BTBD1: variants seen among roughly 807,000 people sequenced by gnomAD.
BTBD1 encodes the protein BTB/POZ domain-containing protein 1.
In BTBD1, 34 loss-of-function variants were observed where a neutral mutation model predicts 48.0. That is an observed-to-expected ratio of 0.71 (90% CI 0.54 to 0.94). The LOEUF (loss-of-function observed/expected upper bound fraction) is 0.94. Among genes scored for constraint, BTBD1 ranks in the 40% least tolerant of loss-of-function variants. The probability of loss-of-function intolerance (pLI) is 0.00; values close to 1 mark genes in which losing one functional copy is unlikely to be tolerated. For synonymous variants in BTBD1, 261 were observed against 242.1 expected, an observed-to-expected ratio of 1.08 and a Z score of -0.72; for missense variants, 543 against 625.6, an observed-to-expected ratio of 0.87 and a Z score of 1.41.
chr15:83,045,366 G>A (rs1435208445), intron 3 of BTBD1, among the ~76,000 whole-genome samples: 2 of 152,066 alleles, frequency 1.3e-5, no homozygotes, highest in Admixed American at 6.6e-5. Flanking sequence ...GTGGTGGCAG[G>A]TGCCTGTGTA....
At chr15:83,066,376 C>G (rs946056311) in intron 1 of BTBD1, among the ~76,000 whole-genome samples, 12 of 152,152 alleles carry the variant, frequency 7.9e-5, no homozygotes, top group Non-Finnish European at 1.5e-5. Context: ...CTCTCTTCCC[C>G]CAAACAAAAA....
intron 2 of BTBD1, 27 bp from the exon 3 acceptor site, chr15:83,050,205 A>G (rs760661447): frequency 1.4e-6 from 2 of 1,460,976 alleles, no homozygotes; most frequent in African/African-American, 1.4e-5. Context: ...ATAGTTATTT[A>G]ACTTTCATAG....
rs2032272787 is a variant in BTBD1 at position 83,020,472 on chromosome 15, G to A, written c.1143+203C>T. On this transcript the variant is annotated intron_variant, in intron 6 of 7. Transcript: ENST00000261721. Reference sequence around the variant, plus strand: ...AAAGAAGAGCTCCTTATATGCTACTGCTTTTGTGAAGGACCCCAATTTTCT... The same window carrying A: ...AAAGAAGAGCTCCTTATATGCTACTACTTTTGTGAAGGACCCCAATTTTCT... 1.5e-5 allele frequency: 7 copies of A among 472,878 alleles called. No individual in the cohort carries two copies. The South Asian group carries it at 2.7e-4, about 18-fold the overall frequency. The allele number at this position is 472,878 out of a possible 1,614,324, so 29.3% of individuals were successfully genotyped here.
intron 4 of BTBD1, among the ~76,000 whole-genome samples, chr15:83,030,969 C>A (rs911842669): frequency 6.6e-6 from 1 of 152,082 alleles, no homozygotes; most frequent in Non-Finnish European, 1.5e-5. Context: ...AGAGACAATT[C>A]TCAAAGGAAG....
chr15:83,030,590 C>A (rs1222688082), intron 4 of BTBD1: 7 of 348,758 alleles, frequency 2.0e-5, no homozygotes, highest in Non-Finnish European at 3.1e-5. Flanking sequence ...TGCCAGGAAT[C>A]CTCCTTTCTC....
chr15:83,053,162 T>C (rs2033024531), intron 2 of BTBD1, among the ~76,000 whole-genome samples: 1 of 152,200 alleles, frequency 6.6e-6, no homozygotes, highest in South Asian at 2.1e-4. Context: ...TGGCATTCTC[T>C]TTGATAACAC....
In BTBD1 at chr15:83,051,030, C is replaced by CAA. The variant is rs11423630; in HGVS notation, c.559-854_559-853dup. Among the ~76,000 whole-genome samples the CAA allele has an allele frequency of 7.5e-3, 927 of 124,064 alleles. 13 individuals are homozygous for CAA. Among genetic ancestry groups the CAA allele is most frequent in the African/African-American group, 0.022 (773 of 34,686 alleles). The allele number at this position is 124,064 out of a possible 152,430, so 81.4% of individuals were successfully genotyped here. Reference sequence around the variant, plus strand: ...ATACATATGTTATAACCCTCCCCCACAAAAAAAAAAAAAACAGTTTATAAG... The same window carrying CAA: ...ATACATATGTTATAACCCTCCCCCACAAAAAAAAAAAAAAAACAGTTTATAAG... On this transcript the variant is annotated intron_variant, in intron 2 of 7. Coordinates refer to ENST00000261721, the MANE Select transcript of BTBD1 (RefSeq NM_025238.4).
In BTBD1 at chr15:83,020,710, T is replaced by A. The variant is rs766285602; in HGVS notation, c.1108A>T (p.Ile370Phe). 8.1e-6 allele frequency: 13 copies of A among 1,607,460 alleles called. No homozygotes were observed. Among genetic ancestry groups the A allele is most frequent in the Non-Finnish European group, 1.1e-5 (13 of 1,174,466 alleles). Residue 370 changes from isoleucine (I) to phenylalanine (F), a missense_variant, in exon 6 of 8, where the codon ATT becomes TTT. Physicochemically the swap from Ile to Phe is conservative, Grantham distance 21. Coordinates refer to ENST00000261721, the MANE Select transcript of BTBD1 (RefSeq NM_025238.4). ...SIVGFGLYGS[I>F]HGPTDYQVNI... ...ACTTGATAATCTGTAGGGCCATGAATAGATCCATACAAGCCAAATCCAACT... is the reference window on the plus strand; with the variant it reads ...ACTTGATAATCTGTAGGGCCATGAAAAGATCCATACAAGCCAAATCCAACT...
chr15:83,064,417 GA>G (rs963525877), intron 1 of BTBD1, among the ~76,000 whole-genome samples: 1,621 of 149,250 alleles, frequency 0.011, 30 homozygotes, highest in African/African-American at 0.038. Flanking sequence ...TTTACAATGT[GA>G]AAAAAAAAAT....
chr15:83,030,041 G>A, intron 5 of BTBD1, 95 bp downstream of exon 5: 1 of 1,124,390 alleles, frequency 8.9e-7, no homozygotes, highest in Non-Finnish European at 1.3e-6. Context: ...AGTATAAAAT[G>A]AAATGTTGGT....
In BTBD1 at chr15:83,021,742, A is replaced by AAATAATAATAATAATAATAATAATAAT. The variant is rs57670003; in HGVS notation, c.1056-1007_1056-981dup. Among the ~76,000 whole-genome samples, 538 of 145,398 alleles carry AAATAATAATAATAATAATAATAATAAT rather than the reference A, an allele frequency of 3.7e-3. 3 individuals are homozygous for AAATAATAATAATAATAATAATAATAAT. Among genetic ancestry groups the AAATAATAATAATAATAATAATAATAAT allele is most frequent in the African/African-American group, 8.3e-3 (323 of 38,984 alleles). On this transcript the variant is annotated intron_variant, in intron 5 of 7. Coordinates refer to ENST00000261721, the MANE Select transcript of BTBD1 (RefSeq NM_025238.4). ...GGGTGACAGAGCGAGACTCCTTCTC[A>AAATAATAATAATAATAATAATAATAAT]AATAATAATAATAATAATAATAATA...
At position 83,017,332 on chromosome 15, in the gene BTBD1, G is replaced by A. The variant is rs1045702971; in HGVS notation, c.*735C>T. 5.2e-5 allele frequency: 8 copies of A among 152,580 alleles called. No homozygotes were observed. Among genetic ancestry groups the A allele is most frequent in the Non-Finnish European group, 1.2e-4 (8 of 68,022 alleles). The allele number at this position is 152,580 out of a possible 1,614,324, so 9.5% of individuals were successfully genotyped here. A position where few individuals can be genotyped will look rare whatever the true frequency, so the allele number is the denominator to read the frequency against. On this transcript the variant is annotated 3_prime_UTR_variant, in exon 8 of 8. Coordinates refer to ENST00000261721, the MANE Select transcript of BTBD1 (RefSeq NM_025238.4). ...GCAGTGTCCCCCACACAGAGAGACA[G>A]GTATAGTGGTGCAGTTTAGTGACAG...
At position 83,032,112 on chromosome 15, in the gene BTBD1, G is replaced by A. The variant is rs1249719339; in HGVS notation, c.863-1784C>T. Reference sequence around the variant, plus strand: ...CCGAGGCAGGCAGATCCCAAGGTCAGGAGTTTGAAACCAGCCTGACCAACA... The same window carrying A: ...CCGAGGCAGGCAGATCCCAAGGTCAAGAGTTTGAAACCAGCCTGACCAACA... On this transcript the variant is annotated intron_variant, in intron 4 of 7. Coordinates refer to ENST00000261721, the MANE Select transcript of BTBD1 (RefSeq NM_025238.4). Among the ~76,000 whole-genome samples, 9 of 152,184 alleles carry A rather than the reference G, an allele frequency of 5.9e-5. No homozygotes were observed. In the East Asian group the frequency reaches 1.7e-3, roughly 29 times the overall value.
In BTBD1 at chr15:83,050,096, T is replaced by C. The variant is rs1313007929; in HGVS notation, c.641A>G (p.Glu214Gly). The C allele has an allele frequency of 6.2e-7, 1 of 1,612,282 alleles. No homozygotes were observed. The highest frequency in any genetic ancestry group is 1.7e-5 in the Admixed American group (1 of 60,006). Residue 214 changes from glutamate to glycine, a missense_variant, in exon 3 of 8, where the codon GAA (glutamate) becomes GGA (glycine). Transcript: ENST00000261721. ...DKSTMDAISA[E>G]GFTDIDIDTL... ...ACCTATATCAATATCAGTAAACCCT[T>C]CTGCACTTATTGCATCCATTGTGCT...
At chr15:83,064,104 G>A (rs190427708) in intron 1 of BTBD1, among the ~76,000 whole-genome samples, 2 of 152,296 alleles carry the variant, frequency 1.3e-5, no homozygotes, top group East Asian at 3.9e-4. Flanking sequence ...GTTTCTTTAA[G>A]GGCTTCAAAC....
intron 1 of BTBD1, among the ~76,000 whole-genome samples, chr15:83,058,935 G>A (rs949314235): frequency 7.2e-5 from 11 of 152,110 alleles, no homozygotes; most frequent in African/African-American, 2.4e-4. Flanking sequence ...TACACTCCAG[G>A]AACAAGAGAG....
chr15:83,032,299 C>A (rs903159163), intron 4 of BTBD1, among the ~76,000 whole-genome samples: 3 of 150,612 alleles, frequency 2.0e-5, no homozygotes, highest in Non-Finnish European at 4.4e-5. Flanking sequence ...CCAGCCTGGG[C>A]AACACAGCGA....
chr15:83,044,015 GAATGA>G (rs2032820834), intron 3 of BTBD1, among the ~76,000 whole-genome samples: 1 of 152,078 alleles, frequency 6.6e-6, no homozygotes, highest in Non-Finnish European at 1.5e-5. Context: ...TAATATACTA[GAATGA>G]AATGATAAAC....
In BTBD1 at chr15:83,050,111, T is replaced by A. The variant is rs1482826660; in HGVS notation, c.626A>T (p.Asp209Val). The change falls in exon 3 of 8, where the codon GAT (aspartate) becomes GTT (valine). Residue 209 changes from aspartate (D) to valine (V), a missense_variant. Transcript: ENST00000261721. Reference sequence around the variant, plus strand: ...AGTAAACCCTTCTGCACTTATTGCATCCATTGTGCTTTTGTCTATTGTATC... The same window carrying A: ...AGTAAACCCTTCTGCACTTATTGCAACCATTGTGCTTTTGTCTATTGTATC... ...CLDTIDKSTM[D>V]AISAEGFTDI... The A allele has an allele frequency of 6.2e-7, 1 of 1,613,124 alleles. No homozygotes were observed. The highest frequency in any genetic ancestry group is 1.7e-5 in the Admixed American group (1 of 60,008).
Sources: gnomAD v4.1 joint callset for allele counts (sites outside exome capture counted in the v4.1 genomes callset) on GRCh38, gnomAD v4.1.1 for gene constraint, MANE v1.5 for transcripts, NCBI Gene and HGNC (gene_info 2026-07-23, HGNC 2026-07-21) for gene names.